CLRN1: variants seen among roughly 807,000 people sequenced by gnomAD.
CLRN1 encodes clarin 1, also known as clarin-1.
Under a neutral mutation model 18.7 loss-of-function variants are expected in CLRN1, and 15 were observed. The ratio of observed to expected loss-of-function variants is 0.80; its 90% CI spans 0.54 to 1.23. CLRN1 has a LOEUF of 1.23. Among genes scored for constraint, CLRN1 ranks in the 50% most tolerant of loss-of-function variants. CLRN1 has a pLI of 0.00. For synonymous variants in CLRN1, 104 were observed against 102.9 expected, an observed-to-expected ratio of 1.01 and a Z score of -0.07; for missense variants, 311 against 277.5, an observed-to-expected ratio of 1.12 and a Z score of -0.86.
chr3:150,935,624 T>C (rs1321403403), intron 2 of CLRN1, among the ~76,000 whole-genome samples: 1 of 150,830 alleles, frequency 6.6e-6, no homozygotes, highest in Non-Finnish European at 1.5e-5. Context: ...TGTGTCTTTA[T>C]AGCAGCATGA....
chr3:150,972,666 C>G lies in CLRN1; in HGVS notation c.43G>C (p.Val15Leu). 6.2e-7 allele frequency: 1 copy of G among 1,614,234 alleles called. No homozygotes were observed. The highest frequency in any genetic ancestry group is 8.5e-7 in the Non-Finnish European group (1 of 1,180,046). The change falls in exon 1 of 3, where the codon GTG becomes CTG. Residue 15 changes from valine to leucine, a missense_variant. Coordinates refer to ENST00000327047, the MANE Select transcript of CLRN1 (RefSeq NM_174878.3). Reference protein sequence around the residue: ...QKKIIFCMAGVFSFACALGVV... With the variant: ...QKKIIFCMAGLFSFACALGVV... ...CCGAGGGCACATGCAAAACTGAACACTCCGGCCATGCAAAAAATGATTTTC... is the reference window on the plus strand; with the variant it reads ...CCGAGGGCACATGCAAAACTGAACAGTCCGGCCATGCAAAAAATGATTTTC...
intron 1 of CLRN1, among the ~76,000 whole-genome samples, chr3:150,968,838 T>C (rs1259100741): frequency 1.3e-5 from 2 of 152,150 alleles, no homozygotes; most frequent in Admixed American, 6.5e-5. Context: ...TGTGACCCTA[T>C]GCAAATCAGA....
At chr3:150,930,940 C>T (rs1034583218) in intron 2 of CLRN1, among the ~76,000 whole-genome samples, 1 of 152,144 alleles carries the variant, frequency 6.6e-6, no homozygotes, top group African/African-American at 2.4e-5. Flanking sequence ...AAGCACACAG[C>T]CCCCAAAACA....
At chr3:150,936,499 C>T (rs35724071) in intron 2 of CLRN1, among the ~76,000 whole-genome samples, 51,148 of 151,664 alleles carry the variant, frequency 0.34, 8,775 homozygotes, top group Middle Eastern at 0.4. Flanking sequence ...CCTTGTCTTA[C>T]CCAGAATGCC....
rs1395191470 is a variant in CLRN1 at position 150,927,469 on chromosome 3, A to G, written c.*467T>C. The G allele has an allele frequency of 6.6e-6, 3 of 452,596 alleles. No individual in the cohort carries two copies. The highest frequency in any genetic ancestry group is 6.0e-5 in the African/African-American group (3 of 49,986). The allele number at this position is 452,596 out of a possible 1,614,324, so 28.0% of individuals were successfully genotyped here. ...AATTTTTTAAAATGTGTGTTGATAC[A>G]TTTTATAGATGTTCATTTAATACAC... is the stretch of plus-strand genomic sequence containing the variant. On this transcript the variant is annotated 3_prime_UTR_variant, in exon 3 of 3. Coordinates refer to ENST00000327047, the MANE Select transcript of CLRN1 (RefSeq NM_174878.3).
Position 150,928,131 on chromosome 3 carries a change from A to T in CLRN1, c.504T>A (p.Ile168=). The change falls in exon 3 of 3, where the codon ATT becomes ATA. Residue 168 remains isoleucine (I), a synonymous_variant. Transcript: ENST00000327047. Reference sequence around the variant, plus strand: ...CATAAGTCCCTTCTTTATAATTTGCAATTTTTTCTGAGAGGTGATGGATTT... The same window carrying T: ...CATAAGTCCCTTCTTTATAATTTGCTATTTTTTCTGAGAGGTGATGGATTT... The part of the protein sequence containing the change: ...EVKIHHLSEK[I]ANYKEGTYVY... 3.1e-6 allele frequency: 5 copies of T among 1,613,488 alleles called. No homozygotes were observed. Among genetic ancestry groups the T allele is most frequent in the Non-Finnish European group, 3.4e-6 (4 of 1,179,898 alleles).
At chr3:150,926,423 T>G, downstream of CLRN1, 1 of 334,302 alleles carries the variant, frequency 3.0e-6, no homozygotes, top group Non-Finnish European at 5.8e-6. Context: ...TTCCAGTGCT[T>G]TTGTACTGGA....
chr3:150,945,417 C>T lies in CLRN1; in HGVS notation c.254-3656G>A. 4 of 933,906 alleles carry T rather than the reference C, an allele frequency of 4.3e-6. No individual in the cohort carries two copies. In the South Asian group the frequency reaches 7.0e-5, roughly 16 times the overall value. 57.9% of individuals were successfully genotyped at this position (933,906 alleles called of 1,614,324 possible). On this transcript the variant is annotated intron_variant, in intron 1 of 2. Coordinates refer to ENST00000327047, the MANE Select transcript of CLRN1 (RefSeq NM_174878.3). ...ACAAATGCATGCCTCATGGCCACAA[C>T]ACTCTACTCCTGACCACATGCTGGA...
chr3:150,963,772 C>T (rs962254950), intron 1 of CLRN1, among the ~76,000 whole-genome samples: 6 of 152,288 alleles, frequency 3.9e-5, no homozygotes, highest in Non-Finnish European at 8.8e-5. Context: ...ACATCTACAA[C>T]CATCTGCTCT....
At chr3:150,934,857 T>C (rs1040771592) in intron 2 of CLRN1, among the ~76,000 whole-genome samples, 4 of 152,012 alleles carry the variant, frequency 2.6e-5, no homozygotes, top group Admixed American at 2.0e-4. Context: ...TCCACTGTAT[T>C]ATAAATCTTG....
At chr3:150,947,831 T>C (rs1477204164) in intron 1 of CLRN1, among the ~76,000 whole-genome samples, 1 of 152,122 alleles carries the variant, frequency 6.6e-6, no homozygotes, top group Non-Finnish European at 1.5e-5. Context: ...AAGACAGAAA[T>C]CAAGAAGTTT....
downstream of CLRN1, chr3:150,926,456 G>A (rs1712795461): frequency 2.7e-6 from 1 of 363,708 alleles, no homozygotes; most frequent in African/African-American, 2.2e-5. Context: ...AAGACTTACA[G>A]AACCGGGCTC....
chr3:150,951,161 A>C (rs1714463158), intron 1 of CLRN1, among the ~76,000 whole-genome samples: 1 of 152,098 alleles, frequency 6.6e-6, no homozygotes, highest in African/African-American at 2.4e-5. Context: ...GGGTGGGAGG[A>C]GGGGGAGGAG....
chr3:150,958,109 A>C (rs1040704621), intron 1 of CLRN1, among the ~76,000 whole-genome samples: 5 of 152,184 alleles, frequency 3.3e-5, no homozygotes, highest in Non-Finnish European at 7.3e-5. Context: ...ACTGATGGAC[A>C]TCTCTGGTTG....
rs6764540 is a variant in CLRN1, at chr3:150,943,685, A to T, written c.254-1924T>A. ...TGTCACCCTGGCCCTTTGCCCTCAC[A>T]GGCAGAGGGCAGCCACCCTACATGA... is the stretch of plus-strand genomic sequence containing the variant. On this transcript the variant is annotated intron_variant, in intron 1 of 2. Coordinates refer to ENST00000327047, the MANE Select transcript of CLRN1 (RefSeq NM_174878.3). 1,304,239 of 1,452,864 alleles carry T rather than the reference A, an allele frequency of 0.9. 590,818 individuals carry two copies. The highest frequency in any genetic ancestry group is 1 in the East Asian group (43,338 of 43,358). 90.0% of individuals were successfully genotyped at this position (1,452,864 alleles called of 1,614,324 possible).
intron 1 of CLRN1, among the ~76,000 whole-genome samples, chr3:150,954,901 A>G (rs1315637213): frequency 6.6e-6 from 1 of 152,268 alleles, no homozygotes; most frequent in Non-Finnish European, 1.5e-5. Flanking sequence ...CCCATTGCTC[A>G]GTATTTACCT....
intron 1 of CLRN1, among the ~76,000 whole-genome samples, chr3:150,970,511 G>GC (rs2107993737): frequency 8.6e-6 from 1 of 115,902 alleles, no homozygotes; most frequent in Non-Finnish European, 2.0e-5. Context: ...ATACTTTTAT[G>GC]CTTAGGAAAA....
At chr3:150,958,686 T>C (rs1432849358) in intron 1 of CLRN1, among the ~76,000 whole-genome samples, 4 of 152,254 alleles carry the variant, frequency 2.6e-5, no homozygotes. Flanking sequence ...GATTTTCCTA[T>C]GCCTATTCCT....
chr3:150,969,143 A>C (rs1715405445), intron 1 of CLRN1, among the ~76,000 whole-genome samples: 1 of 151,108 alleles, frequency 6.6e-6, no homozygotes, highest in African/African-American at 2.4e-5. Context: ...CATCTCAATA[A>C]ATTTTTAATT....
Sources: gnomAD v4.1 joint callset for allele counts (sites outside exome capture counted in the v4.1 genomes callset) on GRCh38, gnomAD v4.1.1 for gene constraint, MANE v1.5 for transcripts, NCBI Gene and HGNC (gene_info 2026-07-23, HGNC 2026-07-21) for gene names.